SLC60A1: variants seen among roughly 807,000 people sequenced by gnomAD.
The protein encoded by SLC60A1 is major facilitator superfamily domain containing 4.
chr1:205,591,751 ACT>A, the SLC60A1 span, among the ~76,000 whole-genome samples: 1 of 151,860 alleles, frequency 6.6e-6, no homozygotes, highest in African/African-American at 2.4e-5. Context: ...AGAAACAGAG[ACT>A]CTCCTACCCC....
the SLC60A1 span, chr1:205,601,981 T>G: frequency 4.6e-5 from 7 of 152,226 alleles, no homozygotes; most frequent in African/African-American, 1.7e-4. Flanking sequence ...ATTCAAGCTG[T>G]GCAGTAGTAG....
chr1:205,574,055 G>A, the SLC60A1 span, among the ~76,000 whole-genome samples: 3 of 152,146 alleles, frequency 2.0e-5, no homozygotes, highest in East Asian at 5.8e-4. Context: ...TTGTAGTGAT[G>A]GTTTTACAAC....
the SLC60A1 span, among the ~76,000 whole-genome samples, chr1:205,593,453 C>CAAAA: frequency 2.6e-3 from 214 of 83,478 alleles, no homozygotes; most frequent in Non-Finnish European, 3.9e-3. Context: ...GACTCTGTCT[C>CAAAA]AAAAAAAAAA....
chr1:205,599,090 A>G, the SLC60A1 span: 1 of 1,610,780 alleles, frequency 6.2e-7, no homozygotes. Context: ...TTCCACGTGA[A>G]GTTTTAATTG....
the SLC60A1 span, among the ~76,000 whole-genome samples, chr1:205,592,645 C>G: frequency 0.15 from 22,615 of 151,844 alleles, 1,978 homozygotes; most frequent in East Asian, 0.38. Context: ...ATGAACACCC[C>G]CCTCCTGACT....
chr1:205,590,689 G>T, the SLC60A1 span, among the ~76,000 whole-genome samples: 2 of 152,214 alleles, frequency 1.3e-5, no homozygotes, highest in South Asian at 4.1e-4. Flanking sequence ...AAGTGGAGGG[G>T]TTGGGAGCTG....
the SLC60A1 span, among the ~76,000 whole-genome samples, chr1:205,589,171 C>T: frequency 3.3e-5 from 5 of 152,168 alleles, no homozygotes; most frequent in Admixed American, 1.3e-4. Flanking sequence ...GCAGGAGTGG[C>T]GGCTTCCAAA....
the SLC60A1 span, among the ~76,000 whole-genome samples, chr1:205,592,752 A>G: frequency 2.6e-5 from 4 of 151,896 alleles, no homozygotes; most frequent in Non-Finnish European, 5.9e-5. Context: ...GGCCGCAGAG[A>G]AGCAGTTAAG....
At chr1:205,569,022 G>T in the SLC60A1 span, 5 of 1,298,258 alleles carry the variant, frequency 3.9e-6, no homozygotes, top group Non-Finnish European at 4.9e-6. Flanking sequence ...GCGGCACTCG[G>T]GCACCGGGCT....
At chr1:205,574,836 C>T in the SLC60A1 span, among the ~76,000 whole-genome samples, 17 of 152,178 alleles carry the variant, frequency 1.1e-4, no homozygotes, top group Non-Finnish European at 1.5e-4. Flanking sequence ...CCATGGTGGG[C>T]CCCAGGGGAT....
chr1:205,571,489 G>T, the SLC60A1 span, among the ~76,000 whole-genome samples: 1 of 152,090 alleles, frequency 6.6e-6, no homozygotes, highest in South Asian at 2.1e-4. Flanking sequence ...GGATCTTTTT[G>T]GGGTGGGGTA....
At chr1:205,585,033 C>A in the SLC60A1 span, 1 of 1,505,342 alleles carries the variant, frequency 6.6e-7, no homozygotes, top group Non-Finnish European at 9.2e-7. The surrounding 1 kb of genome is among the most constrained non-coding windows in gnomAD (Gnocchi z 4.2). Flanking sequence ...GGGGACCCTT[C>A]ACCCCCAGAC....
the SLC60A1 span, chr1:205,569,357 G>A: frequency 7.7e-7 from 1 of 1,294,906 alleles, no homozygotes; most frequent in Non-Finnish European, 1.0e-6. Flanking sequence ...CCCTCGCCGG[G>A]CCGACCCTTC....
the SLC60A1 span, chr1:205,580,975 C>A: frequency 3.2e-6 from 5 of 1,572,220 alleles, no homozygotes; most frequent in Non-Finnish European, 2.6e-6. This position sits in a 1 kb window ranked among gnomAD's most constrained non-coding sequence, Gnocchi z 5.0. Context: ...TCCACACATC[C>A]CAGTCCACCC....
the SLC60A1 span, among the ~76,000 whole-genome samples, chr1:205,586,921 T>C: frequency 6.6e-6 from 1 of 152,124 alleles, no homozygotes; most frequent in Non-Finnish European, 1.5e-5. Flanking sequence ...GGTCTTGAAC[T>C]CCTGACCTCT....
At chr1:205,598,117 A>G in the SLC60A1 span, 1 of 387,562 alleles carries the variant, frequency 2.6e-6, no homozygotes, top group Non-Finnish European at 4.9e-6. Flanking sequence ...GCAGGGCCAG[A>G]GGGGGCCCGT....
the SLC60A1 span, chr1:205,584,194 G>C: frequency 6.7e-6 from 9 of 1,352,348 alleles, no homozygotes; most frequent in Non-Finnish European, 8.1e-6. Flanking sequence ...CTCTCCCAGA[G>C]AGAGTGAACC....
chr1:205,582,217 A>T, the SLC60A1 span, among the ~76,000 whole-genome samples: 1 of 152,186 alleles, frequency 6.6e-6, no homozygotes, highest in Non-Finnish European at 1.5e-5. Flanking sequence ...CTCTAGGCTG[A>T]GACTCCCAGA....
the SLC60A1 span, chr1:205,600,557 T>C: frequency 8.3e-7 from 1 of 1,204,660 alleles, no homozygotes; most frequent in Non-Finnish European, 1.2e-6. Flanking sequence ...AGGCGCTCTC[T>C]CAATGGCTAT....
Sources: allele counts gnomAD v4.1 joint callset (sites outside exome capture counted in the v4.1 genomes callset), GRCh38; gene constraint gnomAD v4.1.1; non-coding constraint Gnocchi (gnomAD v3.1); transcripts MANE v1.5; gene names NCBI Gene and HGNC (gene_info 2026-07-23, HGNC 2026-07-21).